Variants in PHF21A observed in about 807,000 individuals in gnomAD.
PHF21A encodes PHD finger protein 21A.
PHF21A carries 11 observed loss-of-function variants against 82.5 expected under a neutral mutation model. That is an observed-to-expected ratio of 0.13 (90% CI 0.08 to 0.22). PHF21A has a LOEUF of 0.22. Ranked by LOEUF, PHF21A falls within the 10% of genes least tolerant of loss-of-function variation. The pLI, the probability that PHF21A is intolerant of heterozygous loss-of-function variation, is 1.00. For synonymous variants in PHF21A, 297 were observed against 302.8 expected (o/e 0.98, Z 0.20); for missense variants, 579 against 837.8 (o/e 0.69, Z 3.81).
intron 16 of PHF21A, 74 bp from the exon 17 acceptor site, chr11:45,936,643 G>C: frequency 2.1e-6 from 2 of 950,512 alleles, no homozygotes; most frequent in Non-Finnish European, 3.4e-6. Flanking sequence ...GCTAGCAGTG[G>C]TATCTGTGGC....
intron 6 of PHF21A, among the ~76,000 whole-genome samples, chr11:46,014,684 T>G (rs1271307445): frequency 6.7e-6 from 1 of 148,518 alleles, no homozygotes; most frequent in Non-Finnish European, 1.5e-5. Flanking sequence ...GACTTTTTAA[T>G]AATAGTTATT....
At position 45,946,127 on chromosome 11, in the gene PHF21A, G is replaced by C. The variant is rs547222033; in HGVS notation, c.1289-124C>G. The C allele has an allele frequency of 2.7e-5, 43 of 1,610,980 alleles. 2 individuals are homozygous for C. The South Asian group carries it at 4.1e-4, about 15-fold the overall frequency. On this transcript the variant is annotated intron_variant, in intron 14 of 18. Coordinates refer to ENST00000676320, the MANE Select transcript of PHF21A (RefSeq NM_001352027.3). ...GCATGGAAAAGGAAGTGAGGTAGCA[G>C]ACAGAAGGTTAATTCAACAGTCCCA...
At chr11:46,069,842 G>A (rs1435902557) in intron 6 of PHF21A, among the ~76,000 whole-genome samples, 2 of 152,124 alleles carry the variant, frequency 1.3e-5, no homozygotes, top group African/African-American at 2.4e-5. Flanking sequence ...TACTTTACAC[G>A]TAAGATGAAA....
intron 6 of PHF21A, among the ~76,000 whole-genome samples, chr11:46,028,779 G>A (rs1231868047): frequency 6.6e-6 from 1 of 151,368 alleles, no homozygotes; most frequent in Non-Finnish European, 1.5e-5. Context: ...TCACCATGTT[G>A]GTCAGGCTAG....
chr11:46,063,791 G>A (rs1359379139), intron 6 of PHF21A, among the ~76,000 whole-genome samples: 3 of 152,066 alleles, frequency 2.0e-5, no homozygotes, highest in East Asian at 1.9e-4. Flanking sequence ...TGAGGCTTAG[G>A]GGCAGCACTT....
chr11:45,958,413 AAAAAAAATATATATAT>A (rs2092824931), intron 10 of PHF21A, among the ~76,000 whole-genome samples: 1 of 26,836 alleles, frequency 3.7e-5, no homozygotes, highest in African/African-American at 1.1e-4. Flanking sequence ...AAAAAAAAAA[AAAAAAAATATATATAT>A]ATATATATAT....
chr11:46,049,320 G>A (rs1169615391), intron 6 of PHF21A: 5 of 392,750 alleles, frequency 1.3e-5, no homozygotes, highest in African/African-American at 1.1e-4. Context: ...CTCCATAATT[G>A]CTGTATAAAA....
chr11:45,997,001 C>A (rs1433938577), intron 6 of PHF21A, among the ~76,000 whole-genome samples: 2 of 152,200 alleles, frequency 1.3e-5, no homozygotes, highest in African/African-American at 4.8e-5. Flanking sequence ...AAGTGGTACA[C>A]CAATTTATTC....
intron 6 of PHF21A, among the ~76,000 whole-genome samples, chr11:46,029,507 G>A (rs193161257): frequency 2.2e-4 from 33 of 152,240 alleles, no homozygotes; most frequent in Admixed American, 1.9e-3. Context: ...GGGCAACATG[G>A]TGAAACCCTG....
intron 6 of PHF21A, among the ~76,000 whole-genome samples, chr11:46,030,591 T>TAA (rs1336711323): frequency 6.6e-6 from 1 of 152,254 alleles, no homozygotes. Flanking sequence ...TTAACTTTTA[T>TAA]ATCACCTTGA....
chr11:46,013,141 TA>T (rs1039325913), intron 6 of PHF21A, among the ~76,000 whole-genome samples: 1 of 152,222 alleles, frequency 6.6e-6, no homozygotes, highest in Non-Finnish European at 1.5e-5. Context: ...ATATACCCAG[TA>T]ATGGGATTGA....
Position 45,932,816 on chromosome 11 carries a change from C to T in PHF21A, c.*1152G>A, listed in dbSNP as rs2087812927. On this transcript the variant is annotated 3_prime_UTR_variant, in exon 19 of 19. Coordinates refer to ENST00000676320, the MANE Select transcript of PHF21A (RefSeq NM_001352027.3). This position sits in a 1 kb window ranked among gnomAD's most constrained non-coding sequence, Gnocchi z 4.3. ...ACTCACAAAGACTCACGGGACCTCA[C>T]TGACACTATGATTCCTACTCTACCA... is the stretch of plus-strand genomic sequence containing the variant. 1 of 152,610 alleles carries T rather than the reference C, an allele frequency of 6.6e-6. No individual in the cohort carries two copies. Among genetic ancestry groups the T allele is most frequent in the Non-Finnish European group, 1.5e-5 (1 of 68,040 alleles). 9.5% of individuals were successfully genotyped at this position (152,610 alleles called of 1,614,324 possible). A position where few individuals can be genotyped will look rare whatever the true frequency, so the allele number is the denominator to read the frequency against.
At chr11:45,946,834 C>T (rs944430657) in intron 14 of PHF21A, among the ~76,000 whole-genome samples, 2 of 152,124 alleles carry the variant, frequency 1.3e-5, no homozygotes, top group African/African-American at 2.4e-5. Context: ...AGGGTGGAGA[C>T]CGGCAAAGCA....
At chr11:46,019,265 T>C (rs1240202740) in intron 6 of PHF21A, among the ~76,000 whole-genome samples, 1 of 152,184 alleles carries the variant, frequency 6.6e-6, no homozygotes, top group Non-Finnish European at 1.5e-5. Context: ...ATGGTACTTT[T>C]TGATTAGCTT....
At chr11:46,119,105 C>A (rs533889802) in intron 1 of PHF21A, among the ~76,000 whole-genome samples, 594 of 46,844 alleles carry the variant, frequency 0.013, 4 homozygotes, top group African/African-American at 0.035. Context: ...GAGTGCACAA[C>A]TGCTTTAAAA....
chr11:45,951,247 A>G (rs550775759), intron 11 of PHF21A, among the ~76,000 whole-genome samples: 3 of 152,218 alleles, frequency 2.0e-5, no homozygotes, highest in African/African-American at 7.2e-5. Flanking sequence ...TGTAAAAGAC[A>G]TACTCCTGTA....
intron 6 of PHF21A, among the ~76,000 whole-genome samples, chr11:45,996,921 T>C (rs1028203730): frequency 6.6e-6 from 1 of 152,228 alleles, no homozygotes; most frequent in Non-Finnish European, 1.5e-5. Context: ...TGGGCACAAA[T>C]GTATCCATTG....
At chr11:45,986,111 A>T (rs2094484283) in intron 6 of PHF21A, among the ~76,000 whole-genome samples, 1 of 151,862 alleles carries the variant, frequency 6.6e-6, no homozygotes, top group Non-Finnish European at 1.5e-5. Flanking sequence ...ACACACACAG[A>T]GGTATTTACA....
chr11:46,118,391 T>C (rs1293932112), intron 1 of PHF21A, among the ~76,000 whole-genome samples: 1 of 147,564 alleles, frequency 6.8e-6, no homozygotes, highest in Non-Finnish European at 1.5e-5. Flanking sequence ...AATACTATTA[T>C]GTTACCAAAA....
Sources: allele counts gnomAD v4.1 joint callset (sites outside exome capture counted in the v4.1 genomes callset), GRCh38; gene constraint gnomAD v4.1.1; non-coding constraint Gnocchi (gnomAD v3.1); transcripts MANE v1.5; gene names NCBI Gene and HGNC (gene_info 2026-07-23, HGNC 2026-07-21).